USP32: variants seen among roughly 807,000 people sequenced by gnomAD.
USP32 encodes the protein ubiquitin carboxyl-terminal hydrolase 32.
Under a neutral mutation model 204.8 loss-of-function variants are expected in USP32, and 59 were observed. The ratio of observed to expected loss-of-function variants is 0.29; its 90% CI spans 0.23 to 0.36. The LOEUF (loss-of-function observed/expected upper bound fraction) is 0.36, where lower values mean the gene tolerates loss of function less well. Among genes scored for constraint, USP32 ranks in the 10% least tolerant of loss-of-function variants. The probability of loss-of-function intolerance (pLI) is 1.00; values close to 1 mark genes in which losing one functional copy is unlikely to be tolerated. For missense variants in USP32, 1,160 were observed against 1,946.4 expected (o/e 0.60, Z 7.60); for synonymous variants, 517 against 678.4 (o/e 0.76, Z 3.70).
At chr17:60,369,030 T>G (rs1401414869) in intron 1 of USP32, among the ~76,000 whole-genome samples, 2 of 126,858 alleles carry the variant, frequency 1.6e-5, no homozygotes, top group East Asian at 4.1e-4. Flanking sequence ...AGTCTCGCTC[T>G]GTCGCCCAGG....
chr17:60,345,519 C>G lies in USP32; in HGVS notation c.148G>C (p.Glu50Gln). 1 of 1,614,196 alleles carries G rather than the reference C, an allele frequency of 6.2e-7. No individual in the cohort carries two copies. The highest frequency in any genetic ancestry group is 1.3e-5 in the African/African-American group (1 of 75,062). Reference protein sequence around the residue: ...YYMGQHCFIREVLGDGVPPKV... With the variant: ...YYMGQHCFIRQVLGDGVPPKV... ...GGAGGCACTCCATCCCCAAGCACTT[C>G]CCGGATGAAGCAGTGCTGGCCCATG... Residue 50 changes from glutamate to glutamine, a missense_variant, in exon 2 of 34, where the codon GAA becomes CAA. Coordinates refer to ENST00000300896, the MANE Select transcript of USP32 (RefSeq NM_032582.4).
intron 12 of USP32, 144 bp from the exon 13 acceptor site, chr17:60,226,375 T>C (rs1567782994): frequency 1.9e-5 from 13 of 678,954 alleles, no homozygotes; most frequent in Non-Finnish European, 1.6e-5. Flanking sequence ...AATACATAGC[T>C]ATATTTTAAT....
chr17:60,328,841 C>CCAGCA (rs1416818558), intron 2 of USP32, among the ~76,000 whole-genome samples: 1 of 152,222 alleles, frequency 6.6e-6, no homozygotes, highest in Non-Finnish European at 1.5e-5. Context: ...AACGCCCATG[C>CCAGCA]CAGCACCTGG....
chr17:60,266,319 GA>G (rs748393495), intron 7 of USP32, among the ~76,000 whole-genome samples: 1 of 152,110 alleles, frequency 6.6e-6, no homozygotes, highest in Non-Finnish European at 1.5e-5. Context: ...TCAGATATAA[GA>G]CCCTACCCTT....
intron 1 of USP32, among the ~76,000 whole-genome samples, chr17:60,390,369 C>T (rs2089809673): frequency 6.6e-6 from 1 of 152,164 alleles, no homozygotes; most frequent in African/African-American, 2.4e-5. Flanking sequence ...GCCATGTAAG[C>T]CATTGCCTAA....
intron 2 of USP32, among the ~76,000 whole-genome samples, chr17:60,325,917 G>A (rs2088222609): frequency 6.8e-6 from 1 of 146,864 alleles, no homozygotes; most frequent in South Asian, 2.2e-4. Flanking sequence ...TGATTGCAGT[G>A]AGTTGAGATT....
intron 26 of USP32, among the ~76,000 whole-genome samples, chr17:60,201,763 A>G (rs2084682368): frequency 6.6e-6 from 1 of 150,730 alleles, no homozygotes; most frequent in African/African-American, 2.4e-5. Context: ...GGTTCAAGTG[A>G]TTCTCCTGCC....
intron 1 of USP32, among the ~76,000 whole-genome samples, chr17:60,357,073 G>A (rs553941140): frequency 1.3e-5 from 2 of 152,310 alleles, no homozygotes; most frequent in Admixed American, 1.3e-4. Context: ...GGACAACAGA[G>A]TAAGACCTTA....
At chr17:60,222,677 ATTTTTTTTTT>A in intron 14 of USP32, 128 bp from the exon 15 acceptor site, 1 of 471,122 alleles carries the variant, frequency 2.1e-6, no homozygotes, top group Admixed American at 3.8e-5. Flanking sequence ...GAAAAACTTA[ATTTTTTTTTT>A]TTTTTTTTTT....
chr17:60,262,207 T>C (rs1052906917), intron 9 of USP32, among the ~76,000 whole-genome samples: 3 of 152,250 alleles, frequency 2.0e-5, no homozygotes, highest in Non-Finnish European at 4.4e-5. Context: ...ATTTATTTAT[T>C]TGAGACAGAG....
At chr17:60,212,367 A>G (rs1483725753) in intron 18 of USP32, among the ~76,000 whole-genome samples, 2 of 152,258 alleles carry the variant, frequency 1.3e-5, no homozygotes, top group East Asian at 1.9e-4. Context: ...AAACCTGTAC[A>G]GTATGTTACT....
intron 4 of USP32, among the ~76,000 whole-genome samples, chr17:60,288,915 A>G (rs2087192648): frequency 6.6e-6 from 1 of 152,220 alleles, no homozygotes; most frequent in Non-Finnish European, 1.5e-5. Context: ...ACTACAAATT[A>G]TTTCATCAAT....
intron 1 of USP32, among the ~76,000 whole-genome samples, chr17:60,416,085 G>A (rs777677792): frequency 6.6e-5 from 10 of 152,050 alleles, no homozygotes; most frequent in Non-Finnish European, 1.3e-4. Context: ...TGATCTGCCC[G>A]CGTCGGCCTC....
intron 1 of USP32, among the ~76,000 whole-genome samples, chr17:60,368,561 T>C (rs62082071): frequency 0.12 from 18,425 of 151,854 alleles, 2,261 homozygotes; most frequent in African/African-American, 0.31. Context: ...ATATTTAAAC[T>C]GAGGTCCTAG....
At chr17:60,281,400 C>T (rs575176868) in intron 5 of USP32, among the ~76,000 whole-genome samples, 2 of 152,018 alleles carry the variant, frequency 1.3e-5, no homozygotes, top group Non-Finnish European at 2.9e-5. Context: ...TAGCCAGGCG[C>T]GGTAGCAGGC....
rs576260607 is a variant in USP32, at chr17:60,259,872, T to C, written c.991-4614A>G. 5.9e-5 allele frequency among the ~76,000 whole-genome samples: 9 copies of C among 152,336 alleles called. No individual in the cohort carries two copies. In the East Asian group the frequency reaches 1.5e-3, roughly 26 times the overall value. On this transcript the variant is annotated intron_variant, in intron 9 of 33. Transcript: ENST00000300896. ...TCACATTTATTTCAAAGCTTAATAT[T>C]AGAAGTGCTTGGGGTCTTTATTTAG...
intron 8 of USP32, 141 bp from the exon 9 acceptor site, chr17:60,265,615 C>T: frequency 1.6e-6 from 1 of 622,652 alleles, no homozygotes; most frequent in Non-Finnish European, 2.7e-6. Flanking sequence ...CCAGGATTAT[C>T]TCAAACTCCT....
rs527984108 is a variant in USP32, at chr17:60,331,341, G to A, written c.186+14140C>T. Among the ~76,000 whole-genome samples the A allele has an allele frequency of 2.8e-3, 433 of 152,266 alleles. 4 individuals carry two copies. The highest frequency in any genetic ancestry group is 9.8e-3 in the African/African-American group (408 of 41,552). On this transcript the variant is annotated intron_variant, in intron 2 of 33. Transcript: ENST00000300896. ...AGCACTTTGGGAGGCCAAGGCAGGC[G>A]GACTGCTTGAGTCCAGGAGTTCAAG...
rs906558089 is a variant in USP32 at position 60,177,826 on chromosome 17, T to C, written c.*1429A>G. Among the ~76,000 whole-genome samples the C allele has an allele frequency of 1.3e-5, 2 of 152,154 alleles. No individual in the cohort carries two copies. The highest frequency in any genetic ancestry group is 4.8e-5 in the African/African-American group (2 of 41,452). On this transcript the variant is annotated 3_prime_UTR_variant, in exon 34 of 34. Transcript: ENST00000300896. ...ATCAGAACACAAATACTTAGTTACA[T>C]TGGTAATTACTATCTATGAGGAAGA...
Sources: gnomAD v4.1 joint callset for allele counts (sites outside exome capture counted in the v4.1 genomes callset) on GRCh38, gnomAD v4.1.1 for gene constraint, MANE v1.5 for transcripts, NCBI Gene and HGNC (gene_info 2026-07-23, HGNC 2026-07-21) for gene names.